LRMDA: variants seen among roughly 807,000 people sequenced by gnomAD.
The protein encoded by LRMDA is leucine-rich melanocyte differentiation-associated protein.
LRMDA carries 18 observed loss-of-function variants against 29.8 expected under a neutral mutation model. The observed-to-expected ratio is 0.60, with a 90% CI of 0.42 to 0.90. LRMDA has a LOEUF of 0.90. Ranked by LOEUF, LRMDA falls within the 40% of genes least tolerant of loss-of-function variation. The probability of loss-of-function intolerance (pLI) is 0.00; values close to 1 mark genes in which losing one functional copy is unlikely to be tolerated. For missense variants in LRMDA, 273 were observed against 273.9 expected (o/e 1.00, Z 0.02); for synonymous variants, 125 against 109.4 (o/e 1.14, Z -0.89).
intron 5 of LRMDA, among the ~76,000 whole-genome samples, chr10:76,254,353 C>A (rs201326014): frequency 0.18 from 6,501 of 37,114 alleles, 222 homozygotes; most frequent in East Asian, 0.42. Flanking sequence ...CCTATCCTAT[C>A]CTATCCTATG....
intron 2 of LRMDA, among the ~76,000 whole-genome samples, chr10:75,952,086 A>C (rs58125896): frequency 1.4e-3 from 208 of 152,142 alleles, no homozygotes; most frequent in African/African-American, 4.7e-3. Context: ...GGGAAGTGCC[A>C]TTTTCCAGAC....
In LRMDA at chr10:75,441,575, G is replaced by A. The variant is rs1844327276; in HGVS notation, c.131+3081G>A. 2.0e-5 allele frequency among the ~76,000 whole-genome samples: 3 copies of A among 152,142 alleles called. No individual in the cohort carries two copies. The South Asian group carries it at 6.2e-4, about 32-fold the overall frequency. On this transcript the variant is annotated intron_variant, in intron 2 of 6. Transcript: ENST00000611255. ...CCTTGCCACAGAGAATTTCTCCCTG[G>A]CAGTGCTTCTAATTAGGGTCAGGCC...
intron 5 of LRMDA, among the ~76,000 whole-genome samples, chr10:76,090,511 G>A (rs191866090): frequency 2.0e-4 from 31 of 152,272 alleles, no homozygotes; most frequent in African/African-American, 5.3e-4. Flanking sequence ...TATATGATCC[G>A]GCAATTCTGC....
intron 5 of LRMDA, among the ~76,000 whole-genome samples, chr10:76,213,474 T>G (rs1291517809): frequency 6.6e-6 from 1 of 152,264 alleles, no homozygotes; most frequent in Non-Finnish European, 1.5e-5. Flanking sequence ...GGCACAGTTA[T>G]AGACTTGGTG....
intron 2 of LRMDA, among the ~76,000 whole-genome samples, chr10:75,971,000 G>T (rs1273310325): frequency 6.6e-6 from 1 of 152,166 alleles, no homozygotes; most frequent in Non-Finnish European, 1.5e-5. Context: ...GGATGTGAAG[G>T]CCTGGAGGAG....
At chr10:75,886,395 C>T (rs1400538339) in intron 2 of LRMDA, among the ~76,000 whole-genome samples, 1 of 152,190 alleles carries the variant, frequency 6.6e-6, no homozygotes, top group Non-Finnish European at 1.5e-5. Flanking sequence ...AGGTCTATGA[C>T]ATATCAGGGA....
intron 3 of LRMDA, among the ~76,000 whole-genome samples, chr10:76,045,140 T>C (rs2132038892): frequency 6.6e-6 from 1 of 151,328 alleles, no homozygotes; most frequent in Non-Finnish European, 1.5e-5. Flanking sequence ...TTTCCCCCTC[T>C]CTTGCTACTT....
chr10:75,516,778 G>A (rs1285461007), intron 2 of LRMDA, among the ~76,000 whole-genome samples: 2 of 152,088 alleles, frequency 1.3e-5, no homozygotes, highest in Non-Finnish European at 2.9e-5. Context: ...CCTTGCCCAT[G>A]CCTATGTCCT....
chr10:76,424,160 C>T (rs1197470209), intron 6 of LRMDA, among the ~76,000 whole-genome samples: 1 of 152,150 alleles, frequency 6.6e-6, no homozygotes, highest in East Asian at 1.9e-4. Context: ...TGATTTTTGA[C>T]ATTAAGGATC....
chr10:76,062,690 G>GTGTGTGTA (rs1236991508), intron 5 of LRMDA, among the ~76,000 whole-genome samples: 40 of 151,730 alleles, frequency 2.6e-4, no homozygotes, highest in Non-Finnish European at 5.0e-4. Context: ...GTGTGTGTGT[G>GTGTGTGTA]TGTGTGTTAT....
At chr10:76,387,854 A>T (rs1841678782) in intron 6 of LRMDA, among the ~76,000 whole-genome samples, 1 of 152,218 alleles carries the variant, frequency 6.6e-6, no homozygotes, top group South Asian at 2.1e-4. Flanking sequence ...ATGGACCCAC[A>T]CAAGACTTTG....
chr10:76,206,984 G>A (rs1384742026), intron 5 of LRMDA, among the ~76,000 whole-genome samples: 1 of 152,174 alleles, frequency 6.6e-6, no homozygotes, highest in African/African-American at 2.4e-5. Context: ...AAACATAGGC[G>A]TCATCATTTC....
chr10:75,678,328 C>T (rs867088185), intron 2 of LRMDA, among the ~76,000 whole-genome samples: 2 of 152,100 alleles, frequency 1.3e-5, no homozygotes, highest in African/African-American at 4.8e-5. Context: ...AGACAAGAAC[C>T]GCTTATAAAA....
At position 75,475,144 on chromosome 10, in the gene LRMDA, G is replaced by A. The variant is rs530921672; in HGVS notation, c.131+36650G>A. 1.1e-4 allele frequency among the ~76,000 whole-genome samples: 17 copies of A among 152,264 alleles called. No individual in the cohort carries two copies. The South Asian group carries it at 3.5e-3, about 32-fold the overall frequency. On this transcript the variant is annotated intron_variant, in intron 2 of 6. Coordinates refer to ENST00000611255, the MANE Select transcript of LRMDA (RefSeq NM_001305581.2). ...AGCACTGGAGATGAGCATCTGATGG[G>A]GCCTGATGCTGCACCCCTGGTTGGG...
chr10:76,124,405 C>G (rs965022168), intron 5 of LRMDA, among the ~76,000 whole-genome samples: 1 of 152,212 alleles, frequency 6.6e-6, no homozygotes, highest in Non-Finnish European at 1.5e-5. Flanking sequence ...AAACTCACAC[C>G]TTTTCTCAGG....
intron 2 of LRMDA, among the ~76,000 whole-genome samples, chr10:75,758,213 G>A (rs918488025): frequency 3.3e-5 from 5 of 152,232 alleles, no homozygotes; most frequent in East Asian, 3.8e-4. Context: ...CGGGAGTGCC[G>A]CTTGGGGGCT....
chr10:76,040,045 T>C (rs1427292948), intron 3 of LRMDA, among the ~76,000 whole-genome samples: 3 of 152,170 alleles, frequency 2.0e-5, no homozygotes, highest in African/African-American at 7.2e-5. Flanking sequence ...CTCTCATTTT[T>C]ATGGAAAAAC....
At chr10:76,530,730 T>C (rs566820248) in intron 6 of LRMDA, among the ~76,000 whole-genome samples, 2 of 152,310 alleles carry the variant, frequency 1.3e-5, no homozygotes, top group South Asian at 2.1e-4. Context: ...AACTAGAAGA[T>C]GCAGTTTGAA....
chr10:75,577,179 A>G (rs1045635705), intron 2 of LRMDA, among the ~76,000 whole-genome samples: 2 of 152,174 alleles, frequency 1.3e-5, no homozygotes, highest in Non-Finnish European at 2.9e-5. Flanking sequence ...AATAACCAGT[A>G]TAGAGAAGAA....
Sources: gnomAD v4.1 joint callset for allele counts (sites outside exome capture counted in the v4.1 genomes callset) on GRCh38, gnomAD v4.1.1 for gene constraint, MANE v1.5 for transcripts, NCBI Gene and HGNC (gene_info 2026-07-23, HGNC 2026-07-21) for gene names.